Variants in PAQR6 observed in about 807,000 individuals in gnomAD.
The protein encoded by PAQR6 is membrane progestin receptor delta.
Under a neutral mutation model 36.2 loss-of-function variants are expected in PAQR6, and 34 were observed. That is an observed-to-expected ratio of 0.94 (90% CI 0.71 to 1.25). The LOEUF is 1.25. Ranked by LOEUF, PAQR6 falls within the 50% of genes most tolerant of loss-of-function variation. The pLI, the probability that PAQR6 is intolerant of heterozygous loss-of-function variation, is 0.00. For synonymous variants in PAQR6, 190 were observed against 190.7 expected, an observed-to-expected ratio of 1.00 and a Z score of 0.03; for missense variants, 431 against 445.7, an observed-to-expected ratio of 0.97 and a Z score of 0.30.
chr1:156,244,727 G>C (rs780570524), intron 7 of PAQR6, 34 bp downstream of exon 7: 1 of 1,613,752 alleles, frequency 6.2e-7, no homozygotes, highest in Non-Finnish European at 8.5e-7. Context: ...ATCTGCCCCT[G>C]CCTCTTCCCG....
In PAQR6 at chr1:156,245,040, G is replaced by T. The variant is rs1558212826; in HGVS notation, c.609+102C>A. Reference sequence around the variant, plus strand: ...GGGGTGCTGGACCCCAAGAGAGGCGGCTGGGCTGAGGCAGGGACTGAGGGG... The same window carrying T: ...GGGGTGCTGGACCCCAAGAGAGGCGTCTGGGCTGAGGCAGGGACTGAGGGG... On this transcript the variant is annotated intron_variant, in intron 6 of 7. Transcript: ENST00000292291. 17 of 1,598,416 alleles carry T rather than the reference G, an allele frequency of 1.1e-5. No homozygotes were observed. In the Admixed American group the frequency reaches 2.5e-4, roughly 24 times the overall value.
intron 1 of PAQR6, among the ~76,000 whole-genome samples, chr1:156,247,099 C>T (rs1660663274): frequency 1.3e-5 from 2 of 152,218 alleles, no homozygotes; most frequent in Admixed American, 1.3e-4. Flanking sequence ...ATCCTGACTC[C>T]TGGAGGCCAG....
In PAQR6 at chr1:156,245,950, G is replaced by C; in HGVS notation, c.217C>G (p.Pro73Ala). ...TGGTACGGCTCCGCACGGAAGCCGG[G>C]GCCGCCCGCCAGCGCCAGGAGCCGC... The part of the protein sequence containing the change: ...LWRLLALAGG[P>A]GFRAEPYHWP... The change falls in exon 4 of 8, where the codon CCC becomes GCC. Residue 73 changes from proline to alanine, a missense_variant. Transcript: ENST00000292291. The C allele has an allele frequency of 6.5e-7, 1 of 1,534,060 alleles. No individual in the cohort carries two copies. The highest frequency in any genetic ancestry group is 8.7e-7 in the Non-Finnish European group (1 of 1,143,200).
intron 4 of PAQR6, 49 bp from the exon 5 acceptor site, chr1:156,245,710 A>G (rs1660313604): frequency 1.3e-6 from 2 of 1,588,526 alleles, no homozygotes; most frequent in Non-Finnish European, 1.7e-6. Flanking sequence ...GCGCGCCCCT[A>G]TGTCCCGCGT....
rs763653800 is a variant in PAQR6, at chr1:156,245,160, G to A, written c.591C>T (p.Asn197=). Residue 197 remains asparagine (N), a synonymous_variant, in exon 6 of 8, where the codon AAC becomes AAT. Transcript: ENST00000292291. The part of the protein sequence containing the change: ...GAFAYPFLFD[N]LPLFYRLGLC... ...TCCTTACCCGATAAAAGAGTGGGAG[G>A]TTGTCGAACAGGAATGGATAGGCGA... 1 of 1,614,046 alleles carries A rather than the reference G, an allele frequency of 6.2e-7. No homozygotes were observed.
intron 5 of PAQR6, 68 bp from the exon 6 acceptor site, chr1:156,245,306 A>G (rs1660210858): frequency 1.3e-6 from 2 of 1,487,254 alleles, no homozygotes; most frequent in Admixed American, 1.7e-5. Context: ...GAAAGGCAAG[A>G]GGACTTGGGC....
intron 7 of PAQR6, 178 bp from the exon 8 acceptor site, chr1:156,244,581 C>G: frequency 7.0e-7 from 1 of 1,431,762 alleles, no homozygotes; most frequent in Non-Finnish European, 9.3e-7. Flanking sequence ...AGTTTTGCTA[C>G]CTGAGAAGTG....
In PAQR6 at chr1:156,247,003, G is replaced by A. The variant is rs1330607599; in HGVS notation, c.-25-247C>T. 2.6e-5 allele frequency among the ~76,000 whole-genome samples: 4 copies of A among 152,170 alleles called. No individual in the cohort carries two copies. In the South Asian group the frequency reaches 6.2e-4, roughly 24 times the overall value. ...TGAGGGGCTTGGCGGCCTCAGCCCA[G>A]CAAAGAGTGGCGGGGTCCTCCCAGC... On this transcript the variant is annotated intron_variant, in intron 1 of 7. Transcript: ENST00000292291.
chr1:156,246,357 G>T, intron 2 of PAQR6, 107 bp from the exon 3 acceptor site: 3 of 1,052,338 alleles, frequency 2.9e-6, no homozygotes, highest in Non-Finnish European at 4.2e-6. Context: ...GATCAACGTG[G>T]CCCCCAAGCC....
At chr1:156,244,605 C>A (rs368949699) in intron 7 of PAQR6, 156 bp downstream of exon 7, 4 of 1,475,446 alleles carry the variant, frequency 2.7e-6, no homozygotes, top group African/African-American at 2.8e-5. Flanking sequence ...GGTGGAGGAC[C>A]CTTCCAGTGA....
In PAQR6 at chr1:156,243,899, C is replaced by T. The variant is rs764429712; in HGVS notation, c.*230G>A. 6.2e-7 allele frequency: 1 copy of T among 1,612,216 alleles called. No homozygotes were observed. Among genetic ancestry groups the T allele is most frequent in the Non-Finnish European group, 8.5e-7 (1 of 1,178,552 alleles). On this transcript the variant is annotated 3_prime_UTR_variant, in exon 8 of 8. Transcript: ENST00000292291. The stretch of plus-strand genomic sequence containing the variant: ...GCATGCATCTCCCCTCTCAGACCCT[C>T]AGCACTTCTTCCACTCCCATCAAGA...
chr1:156,244,620 C>T (rs1008619062), intron 7 of PAQR6, 141 bp downstream of exon 7: 1 of 1,502,684 alleles, frequency 6.7e-7, no homozygotes, highest in African/African-American at 1.4e-5. Flanking sequence ...CAGTGATGCT[C>T]TCGTTATAGG....
At chr1:156,247,264 C>G (rs955193903) in intron 1 of PAQR6, among the ~76,000 whole-genome samples, 1 of 152,242 alleles carries the variant, frequency 6.6e-6, no homozygotes, top group Non-Finnish European at 1.5e-5. Context: ...CCTGGCTTTT[C>G]TCTGAGGACT....
In PAQR6 at chr1:156,246,112, C is replaced by A; in HGVS notation, c.179+11G>T. 6.2e-7 allele frequency: 1 copy of A among 1,610,764 alleles called. No individual in the cohort carries two copies. The highest frequency in any genetic ancestry group is 8.5e-7 in the Non-Finnish European group (1 of 1,179,982). ...CTCAAGGCCGCGGCCTGGGGCGGAG[C>A]CTCCCCTCACCAGGTGGGCAGGAAG... On this transcript the variant is annotated intron_variant, in intron 3 of 7. Transcript: ENST00000292291.
chr1:156,245,281 G>A, intron 5 of PAQR6, 43 bp from the exon 6 acceptor site: 1 of 1,560,570 alleles, frequency 6.4e-7, no homozygotes. Context: ...CGCTGTGCTT[G>A]GGGTAGGGGT....
rs1659668111 is a variant in PAQR6 at position 156,243,686 on chromosome 1, G to A, written c.*443C>T. ...TTACCTGGTTTGTGGGGATGGGGGG[G>A]CAAGTGTGTGGCCTCTCGGCCTGGT... On this transcript the variant is annotated 3_prime_UTR_variant, in exon 8 of 8. Transcript: ENST00000292291. 1 of 793,008 alleles carries A rather than the reference G, an allele frequency of 1.3e-6. No homozygotes were observed. The highest frequency in any genetic ancestry group is 2.5e-5 in the East Asian group (1 of 40,002). The allele number at this position is 793,008 out of a possible 1,614,324, so 49.1% of individuals were successfully genotyped here. A position where few individuals can be genotyped will look rare whatever the true frequency, so the allele number is the denominator to read the frequency against.
Position 156,243,651 on chromosome 1 carries a change from C to T in PAQR6, c.*478G>A. On this transcript the variant is annotated 3_prime_UTR_variant, in exon 8 of 8. Transcript: ENST00000292291. ...ATCTCTATAGGCAAATAGCTGCTGG[C>T]AAACTGGCATTACCTGGTTTGTGGG... 1 of 631,598 alleles carries T rather than the reference C, an allele frequency of 1.6e-6. No individual in the cohort carries two copies. Among genetic ancestry groups the T allele is most frequent in the Non-Finnish European group, 2.7e-6 (1 of 375,256 alleles). 39.1% of individuals were successfully genotyped at this position (631,598 alleles called of 1,614,324 possible). A position where few individuals can be genotyped will look rare whatever the true frequency, so the allele number is the denominator to read the frequency against.
intron 2 of PAQR6, 146 bp downstream of exon 2, chr1:156,246,535 A>G (rs1558219002): frequency 2.0e-6 from 2 of 995,304 alleles, no homozygotes; most frequent in Non-Finnish European, 2.9e-6. Flanking sequence ...TCCTCAGAGA[A>G]CAGAGGAAGA....
In PAQR6 at chr1:156,243,462, A is replaced by C; in HGVS notation, c.*667T>G. The C allele has an allele frequency of 2.1e-6, 1 of 479,516 alleles. No individual in the cohort carries two copies. Among genetic ancestry groups the C allele is most frequent in the African/African-American group, 1.9e-5 (1 of 52,154 alleles). 29.7% of individuals were successfully genotyped at this position (479,516 alleles called of 1,614,324 possible). On this transcript the variant is annotated 3_prime_UTR_variant, in exon 8 of 8. Coordinates refer to ENST00000292291, the MANE Select transcript of PAQR6 (RefSeq NM_198406.3). The stretch of plus-strand genomic sequence containing the variant: ...TTATTTGTACCTGCCTTGTTCCAGA[A>C]AACGTTGAAGGTGGCTTCCCAAAGT...
Sources: allele counts gnomAD v4.1 joint callset (sites outside exome capture counted in the v4.1 genomes callset), GRCh38; gene constraint gnomAD v4.1.1; transcripts MANE v1.5; gene names NCBI Gene and HGNC (gene_info 2026-07-23, HGNC 2026-07-21).